Variants in MTHFS observed in about 807,000 individuals in gnomAD.
MTHFS encodes the protein methenyltetrahydrofolate synthetase.
A neutral mutation model predicts 12.7 loss-of-function variants in MTHFS; 7 were observed. That is an observed-to-expected ratio of 0.55 (90% CI 0.31 to 1.03). MTHFS has a LOEUF of 1.03. Ranked by LOEUF, MTHFS falls within the 50% of genes least tolerant of loss-of-function variation. The pLI is 0.05. For synonymous variants in MTHFS, 100 were observed against 97.1 expected (o/e 1.03, Z -0.18); for missense variants, 252 against 258.1 (o/e 0.98, Z 0.16).
intron 1 of MTHFS, among the ~76,000 whole-genome samples, chr15:79,892,190 G>T (rs1417315189): frequency 6.6e-6 from 1 of 151,968 alleles, no homozygotes; most frequent in Non-Finnish European, 1.5e-5. Flanking sequence ...CTAATAAGAT[G>T]AAGGGAAAAG....
chr15:79,851,202 T>C (rs916895863), intron 2 of MTHFS, among the ~76,000 whole-genome samples: 5 of 152,182 alleles, frequency 3.3e-5, no homozygotes, highest in Admixed American at 2.6e-4. Context: ...TAAACTTCCA[T>C]TGAGTCCTCC....
chr15:79,846,149 G>C (rs1047204991), intron 2 of MTHFS, among the ~76,000 whole-genome samples: 1 of 152,206 alleles, frequency 6.6e-6, no homozygotes, highest in South Asian at 2.1e-4. Flanking sequence ...GGGTCCTGGA[G>C]GCTATAAAAA....
intron 2 of MTHFS, among the ~76,000 whole-genome samples, chr15:79,879,321 C>CTTTTTTTTTTTTTTT (rs565488885): frequency 3.8e-5 from 3 of 79,330 alleles, no homozygotes; most frequent in African/African-American, 1.1e-4. Flanking sequence ...AATTATTACC[C>CTTTTTTTTTTTTTTT]TTTTTTTTTT....
intron 1 of MTHFS, 100 bp downstream of exon 1, chr15:79,896,772 G>A: frequency 6.8e-7 from 1 of 1,466,192 alleles, no homozygotes; most frequent in South Asian, 1.3e-5. Context: ...GGGGCGCCTA[G>A]CCCAGCGCCA....
chr15:79,855,376 G>A (rs1486718748), intron 2 of MTHFS, among the ~76,000 whole-genome samples: 2 of 152,138 alleles, frequency 1.3e-5, no homozygotes, highest in Admixed American at 1.3e-4. Flanking sequence ...CATCTGAGTT[G>A]TTGATAATCA....
chr15:79,890,864 A>G (rs2034461270), intron 1 of MTHFS, among the ~76,000 whole-genome samples: 1 of 152,226 alleles, frequency 6.6e-6, no homozygotes, highest in Non-Finnish European at 1.5e-5. Context: ...AGACCTGGGC[A>G]GGCCTGGGGC....
intron 2 of MTHFS, among the ~76,000 whole-genome samples, chr15:79,881,733 CAAGA>C (rs2034297616): frequency 6.6e-6 from 1 of 151,996 alleles, no homozygotes; most frequent in African/African-American, 2.4e-5. Context: ...AGTATGCTGT[CAAGA>C]GAGAGAAAAT....
chr15:79,845,718 GAGA>G (rs2033601967), intron 2 of MTHFS, among the ~76,000 whole-genome samples: 2 of 152,142 alleles, frequency 1.3e-5, no homozygotes, highest in South Asian at 4.1e-4. Flanking sequence ...GTTAAATACA[GAGA>G]ATCTCCAGAG....
chr15:79,870,661 T>C (rs368810378), intron 2 of MTHFS, among the ~76,000 whole-genome samples: 2 of 152,192 alleles, frequency 1.3e-5, no homozygotes, highest in African/African-American at 4.8e-5. Flanking sequence ...AGATATGCTA[T>C]AACAGTAGGA....
chr15:79,858,797 T>C (rs1263484414), intron 2 of MTHFS, among the ~76,000 whole-genome samples: 1 of 152,324 alleles, frequency 6.6e-6, no homozygotes, highest in Non-Finnish European at 1.5e-5. Flanking sequence ...TGAAATTATA[T>C]CTTCTAATAT....
At chr15:79,862,619 T>TA (rs1198058632) in intron 2 of MTHFS, among the ~76,000 whole-genome samples, 1 of 152,142 alleles carries the variant, frequency 6.6e-6, no homozygotes, top group Non-Finnish European at 1.5e-5. Context: ...AAAGAGGTAT[T>TA]AAAAAAACTA....
Position 79,845,291 on chromosome 15 carries a change from T to C in MTHFS, c.531A>G (p.Glu177=), listed in dbSNP as rs2033589920. The C allele has an allele frequency of 1.2e-6, 2 of 1,614,154 alleles. No homozygotes were observed. Among genetic ancestry groups the C allele is most frequent in the Non-Finnish European group, 1.7e-6 (2 of 1,180,034 alleles). The change falls in exon 3 of 3, where the codon GAA becomes GAG. Residue 177 remains glutamate, a synonymous_variant. Transcript: ENST00000258874. ...TCACTGGGACCTGGAGGCAAATCTGTTCTTTGAAAGCCAACGCCAGGGTGT... is the reference window on the plus strand; with the variant it reads ...TCACTGGGACCTGGAGGCAAATCTGCTCTTTGAAAGCCAACGCCAGGGTGT... The part of the protein sequence containing the change: ...KPYTLALAFK[E]QICLQVPVNE...
Position 79,844,579 on chromosome 15 carries a change from T to C in MTHFS, c.*631A>G, listed in dbSNP as rs1432570171. 1.3e-5 allele frequency among the ~76,000 whole-genome samples: 2 copies of C among 152,212 alleles called. No individual in the cohort carries two copies. The highest frequency in any genetic ancestry group is 3.9e-4 in the East Asian group (2 of 5,194). Reference sequence around the variant, plus strand: ...AAATAATTTCTAACTTATAAGATACTAGATCTTAAACTCATCAAGGGCTGA... The same window carrying C: ...AAATAATTTCTAACTTATAAGATACCAGATCTTAAACTCATCAAGGGCTGA... On this transcript the variant is annotated 3_prime_UTR_variant, in exon 3 of 3. Coordinates refer to ENST00000258874, the MANE Select transcript of MTHFS (RefSeq NM_006441.4).
intron 1 of MTHFS, among the ~76,000 whole-genome samples, chr15:79,892,641 C>T (rs17286040): frequency 0.12 from 17,799 of 152,178 alleles, 1,184 homozygotes; most frequent in Middle Eastern, 0.18. Context: ...CTTGATTCTA[C>T]AATGAATACC....
intron 2 of MTHFS, among the ~76,000 whole-genome samples, chr15:79,871,106 C>T (rs1369105504): frequency 2.6e-5 from 4 of 151,870 alleles, no homozygotes; most frequent in South Asian, 2.1e-4. Context: ...TTGCTCCATT[C>T]GACTCCAGCC....
At chr15:79,854,715 G>A (rs2033770829) in intron 2 of MTHFS, among the ~76,000 whole-genome samples, 1 of 152,160 alleles carries the variant, frequency 6.6e-6, no homozygotes, top group Non-Finnish European at 1.5e-5. Flanking sequence ...TCTTTTTGAA[G>A]AGGTACTTCA....
intron 2 of MTHFS, among the ~76,000 whole-genome samples, chr15:79,853,756 G>A (rs1279080547): frequency 1.3e-5 from 2 of 152,194 alleles, no homozygotes; most frequent in Admixed American, 1.3e-4. Flanking sequence ...GGCAGAGCAG[G>A]AGCCGTGATG....
At chr15:79,873,862 G>T (rs980590361) in intron 2 of MTHFS, among the ~76,000 whole-genome samples, 3 of 152,224 alleles carry the variant, frequency 2.0e-5, no homozygotes, top group African/African-American at 7.2e-5. Flanking sequence ...CCCAGTTGGT[G>T]TAAGAGCATA....
At position 79,889,344 on chromosome 15, in the gene MTHFS, T is replaced by A; in HGVS notation, c.128A>T (p.His43Leu). 6.2e-7 allele frequency: 1 copy of A among 1,613,418 alleles called. No individual in the cohort carries two copies. The highest frequency in any genetic ancestry group is 1.7e-5 in the Admixed American group (1 of 59,996). Residue 43 changes from histidine (H) to leucine (L), a missense_variant, in exon 2 of 3, where the codon CAC (histidine) becomes CTC (leucine). Physicochemically the swap from His to Leu is moderately conservative, Grantham distance 99 (BLOSUM62 -3). Coordinates refer to ENST00000258874, the MANE Select transcript of MTHFS (RefSeq NM_006441.4). ...SRVLSQKVIA[H>L]SEYQKSKRIS... ...TCTTTTGGACTTTTGATACTCACTG[T>A]GGGCAATCACCTAAATGGGAAATTA...
Sources: allele counts gnomAD v4.1 joint callset (sites outside exome capture counted in the v4.1 genomes callset), GRCh38; gene constraint gnomAD v4.1.1; transcripts MANE v1.5; gene names NCBI Gene and HGNC (gene_info 2026-07-23, HGNC 2026-07-21).